The following RTN4 variants were observed in gnomAD, a reference collection of about 807,000 sequenced individuals.
RTN4 encodes the protein reticulon-4.
A neutral mutation model predicts 90.4 loss-of-function variants in RTN4; 32 were observed. The observed-to-expected ratio is 0.35, with a 90% CI of 0.27 to 0.48. The LOEUF (loss-of-function observed/expected upper bound fraction) is 0.48, where lower values mean the gene tolerates loss of function less well. Ranked by LOEUF, RTN4 falls within the 20% of genes least tolerant of loss-of-function variation. The probability of loss-of-function intolerance (pLI) is 0.99; values close to 1 mark genes in which losing one functional copy is unlikely to be tolerated. For synonymous variants in RTN4, 629 were observed against 552.5 expected, an observed-to-expected ratio of 1.14 and a Z score of -1.94; for missense variants, 1,706 against 1,430.2, an observed-to-expected ratio of 1.19 and a Z score of -3.11.
intron 1 of RTN4, among the ~76,000 whole-genome samples, chr2:55,111,622 C>T (rs1668039244): frequency 6.6e-6 from 1 of 152,136 alleles, no homozygotes; most frequent in South Asian, 2.1e-4. Context: ...CAGACCTCTC[C>T]TAAGGACCCA....
At chr2:55,086,397 G>A (rs1023905069) in intron 1 of RTN4, among the ~76,000 whole-genome samples, 10 of 151,846 alleles carry the variant, frequency 6.6e-5, no homozygotes, top group Non-Finnish European at 1.3e-4. Flanking sequence ...GCAGTGGCTC[G>A]CACCTGTAAT....
At chr2:55,123,658 A>G in the RTN4 span, among the ~76,000 whole-genome samples, 1 of 151,922 alleles carries the variant, frequency 6.6e-6, no homozygotes, top group Admixed American at 6.6e-5. Flanking sequence ...TTATTATATT[A>G]TATTATATTA....
chr2:55,079,077 G>A (rs17347271), intron 2 of RTN4, among the ~76,000 whole-genome samples: 3,759 of 152,294 alleles, frequency 0.025, 157 homozygotes, highest in Admixed American at 0.12. Context: ...TGGCTGTAGT[G>A]AACATAGAGG....
intron 1 of RTN4, among the ~76,000 whole-genome samples, chr2:55,038,029 G>C (rs537229992): frequency 6.6e-6 from 1 of 152,166 alleles, no homozygotes; most frequent in East Asian, 1.9e-4. Context: ...TCAATAGAAA[G>C]AGAAAAATAT....
In RTN4 at chr2:55,027,190, C is replaced by T. The variant is rs781450328; in HGVS notation, c.909G>A (p.Ser303=). The T allele has an allele frequency of 4.3e-6, 7 of 1,613,616 alleles. No homozygotes were observed. Among genetic ancestry groups the T allele is most frequent in the Admixed American group, 1.7e-5 (1 of 59,892 alleles). Residue 303 remains serine (S), a synonymous_variant, in exon 3 of 9, where the codon TCG becomes TCA. Coordinates refer to ENST00000337526, the MANE Select transcript of RTN4 (RefSeq NM_020532.5). The part of the protein sequence containing the change: ...SELEYSEMGS[S]FSVSPKAESA... ...ATTCTGCTTTTGGAGAGACACTGAACGATGATCCCATTTCTGAGTATTCTA... is the reference window on the plus strand; with the variant it reads ...ATTCTGCTTTTGGAGAGACACTGAATGATGATCCCATTTCTGAGTATTCTA...
intron 3 of RTN4, among the ~76,000 whole-genome samples, chr2:54,993,146 G>A (rs1191673392): frequency 2.0e-5 from 3 of 151,522 alleles, no homozygotes; most frequent in Non-Finnish European, 2.9e-5. Flanking sequence ...CTACTAAGCA[G>A]TGTTTTTATC....
chr2:55,006,986 T>C (rs1680273979), intron 3 of RTN4, among the ~76,000 whole-genome samples: 1 of 152,142 alleles, frequency 6.6e-6, no homozygotes, highest in African/African-American at 2.4e-5. Context: ...CAATTCTTTA[T>C]CATTAAACCT....
chr2:55,128,593 G>A, the RTN4 span, among the ~76,000 whole-genome samples: 1 of 152,078 alleles, frequency 6.6e-6, no homozygotes, highest in Non-Finnish European at 1.5e-5. Context: ...GGATAAGGAA[G>A]GCCTTCTTAA....
the RTN4 span, among the ~76,000 whole-genome samples, chr2:55,131,580 T>C: frequency 6.6e-6 from 1 of 152,178 alleles, no homozygotes; most frequent in African/African-American, 2.4e-5. Context: ...TGGTAAAAGA[T>C]ATCAGAAAAA....
Position 55,025,528 on chromosome 2 carries a change from T to C in RTN4, c.2571A>G (p.Glu857=), listed in dbSNP as rs199864046. Residue 857 remains glutamate, a synonymous_variant, in exon 3 of 9, where the codon GAA becomes GAG. Coordinates refer to ENST00000337526, the MANE Select transcript of RTN4 (RefSeq NM_020532.5). Reference sequence around the variant, plus strand: ...CAATTGGAGATGAATCTGAAAACGTTTCAGTTTCTCTTATCTGTGCTTCCT... The same window carrying C: ...CAATTGGAGATGAATCTGAAAACGTCTCAGTTTCTCTTATCTGTGCTTCCT... ...ISKEAQIRET[E]TFSDSSPIEI... 103 of 1,613,794 alleles carry C rather than the reference T, an allele frequency of 6.4e-5. No homozygotes were observed. The highest frequency in any genetic ancestry group is 7.6e-5 in the Non-Finnish European group (90 of 1,179,818).
At position 54,972,398 on chromosome 2, in the gene RTN4, A is replaced by AGTCAGTCT. The variant is rs1332766794; in HGVS notation, c.*750_*757dup. The stretch of plus-strand genomic sequence containing the variant: ...TAGATTCTGTGACAAAATTAACTAC[A>AGTCAGTCT]GTCAGTCTGTGCAATGAAATTGATG... On this transcript the variant is annotated 3_prime_UTR_variant, in exon 9 of 9. Coordinates refer to ENST00000337526, the MANE Select transcript of RTN4 (RefSeq NM_020532.5). 4.0e-5 allele frequency: 6 copies of AGTCAGTCT among 149,812 alleles called. No individual in the cohort carries two copies. Among genetic ancestry groups the AGTCAGTCT allele is most frequent in the Admixed American group, 2.7e-4 (4 of 14,816 alleles). 9.3% of individuals were successfully genotyped at this position (149,812 alleles called of 1,614,324 possible).
intron 1 of RTN4, among the ~76,000 whole-genome samples, chr2:55,095,426 A>G (rs1047352798): frequency 6.6e-6 from 1 of 152,204 alleles, no homozygotes; most frequent in Non-Finnish European, 1.5e-5. Flanking sequence ...AAAAATTAAC[A>G]TCTTATATTT....
intron 1 of RTN4, among the ~76,000 whole-genome samples, chr2:55,089,500 T>C (rs1668899974): frequency 6.6e-6 from 1 of 152,210 alleles, no homozygotes. Flanking sequence ...CCCAGCCACT[T>C]TCCGGCATGA....
chr2:55,118,438 C>T, the RTN4 span, among the ~76,000 whole-genome samples: 1 of 151,976 alleles, frequency 6.6e-6, no homozygotes, highest in African/African-American at 2.4e-5. Flanking sequence ...TCACTACACC[C>T]TGGGCAATGG....
chr2:55,078,986 G>T, intron 2 of RTN4, among the ~76,000 whole-genome samples: 1 of 152,244 alleles, frequency 6.6e-6, no homozygotes, highest in East Asian at 1.9e-4. Context: ...ACGGGAGCCA[G>T]TAGACCTCTT....
chr2:55,055,781 C>CAAAAAAAAAAAAAAAA (rs1280648703), upstream of RTN4, among the ~76,000 whole-genome samples: 1 of 128,836 alleles, frequency 7.8e-6, no homozygotes, highest in Non-Finnish European at 1.7e-5. Flanking sequence ...AAAAAAAAAA[C>CAAAAAAAAAAAAAAAA]AAAAAAAACA....
At chr2:54,982,732 T>C in intron 4 of RTN4, 79 bp from the exon 5 acceptor site, 5 of 1,407,196 alleles carry the variant, frequency 3.6e-6, no homozygotes, top group Non-Finnish European at 4.8e-6. Context: ...TATATATCTG[T>C]AAGAAATTAA....
chr2:55,026,925 G>C lies in RTN4; in HGVS notation c.1174C>G (p.Arg392Gly). 1 of 1,613,350 alleles carries C rather than the reference G, an allele frequency of 6.2e-7. No homozygotes were observed. Among genetic ancestry groups the C allele is most frequent in the East Asian group, 2.2e-5 (1 of 44,866 alleles). The change falls in exon 3 of 9, where the codon CGA (arginine) becomes GGA (glycine). Residue 392 changes from arginine (R) to glycine (G), a missense_variant. Coordinates refer to ENST00000337526, the MANE Select transcript of RTN4 (RefSeq NM_020532.5). ...EEYADFKPFE[R>G]VWEVKDSKED... ...TTACTATCTTTCACTTCCCATACTC[G>C]CTCAAATGGTTTGAAGTCTGCATAT...
intron 2 of RTN4, among the ~76,000 whole-genome samples, chr2:55,069,891 C>A (rs139694769): frequency 6.6e-6 from 1 of 152,220 alleles, no homozygotes; most frequent in African/African-American, 2.4e-5. Flanking sequence ...CAAATGCTGG[C>A]TGGAGAAGTA....
Sources: gnomAD v4.1 joint callset for allele counts (sites outside exome capture counted in the v4.1 genomes callset) on GRCh38, gnomAD v4.1.1 for gene constraint, MANE v1.5 for transcripts, NCBI Gene and HGNC (gene_info 2026-07-23, HGNC 2026-07-21) for gene names.